The following MAP3K20 variants were observed in gnomAD, a reference collection of about 807,000 sequenced individuals.
MAP3K20 encodes the protein HCCS-4.
In MAP3K20, 40 loss-of-function variants were observed where a neutral mutation model predicts 85.7. The observed-to-expected ratio is 0.47, with a 90% CI of 0.36 to 0.61. The LOEUF (loss-of-function observed/expected upper bound fraction) is 0.61. MAP3K20 is among the 20% of genes least tolerant of loss of function. The pLI is 0.00. For missense variants in MAP3K20, 817 were observed against 961.7 expected (o/e 0.85, Z 1.99); for synonymous variants, 325 against 327.7 (o/e 0.99, Z 0.09).
intron 2 of MAP3K20, 94 bp from the exon 3 acceptor site, chr2:173,169,711 C>T: frequency 8.0e-7 from 1 of 1,248,760 alleles, no homozygotes; most frequent in Non-Finnish European, 1.1e-6. Context: ...CACAGCAAGA[C>T]CCTAACTCAA....
At chr2:173,118,182 C>T (rs1228693182) in intron 2 of MAP3K20, among the ~76,000 whole-genome samples, 2 of 152,178 alleles carry the variant, frequency 1.3e-5, no homozygotes, top group African/African-American at 4.8e-5. Context: ...ATTCCATTTT[C>T]CTCCAATCAC....
At chr2:173,114,719 G>A (rs1162899040) in intron 2 of MAP3K20, among the ~76,000 whole-genome samples, 1 of 152,144 alleles carries the variant, frequency 6.6e-6, no homozygotes, top group South Asian at 2.1e-4. Flanking sequence ...TAAGGAGGCC[G>A]AAGATAGGGC....
intron 16 of MAP3K20, 39 bp downstream of exon 16, chr2:173,239,535 G>A (rs754031643): frequency 5.7e-6 from 9 of 1,574,838 alleles, no homozygotes; most frequent in Non-Finnish European, 6.9e-6. Context: ...AATCTCAATC[G>A]AACTACTCTT....
chr2:173,167,140 C>T (rs1281801073), intron 2 of MAP3K20, among the ~76,000 whole-genome samples: 3 of 151,944 alleles, frequency 2.0e-5, no homozygotes, highest in Non-Finnish European at 4.4e-5. Flanking sequence ...TGGTCTCGAC[C>T]TCCTGACCTC....
chr2:173,223,967 G>C, intron 11 of MAP3K20: 2 of 985,372 alleles, frequency 2.0e-6, no homozygotes, highest in Non-Finnish European at 2.4e-6. Flanking sequence ...GGCAAAGATA[G>C]TCATTCATTC....
intron 16 of MAP3K20, among the ~76,000 whole-genome samples, chr2:173,248,308 G>T (rs1006766574): frequency 3.3e-5 from 5 of 152,120 alleles, no homozygotes; most frequent in African/African-American, 1.2e-4. Context: ...GTAGGGTTGA[G>T]CCCCGTCCCT....
chr2:173,260,812 A>G (rs1035721594), intron 17 of MAP3K20, among the ~76,000 whole-genome samples: 8 of 152,256 alleles, frequency 5.3e-5, no homozygotes, highest in African/African-American at 1.7e-4. Flanking sequence ...CAAATGTTAT[A>G]TCGGAAAAGA....
intron 7 of MAP3K20, among the ~76,000 whole-genome samples, chr2:173,197,096 TTTA>T (rs1157121176): frequency 6.6e-6 from 1 of 152,170 alleles, no homozygotes; most frequent in Non-Finnish European, 1.5e-5. Flanking sequence ...GGTGGTGGTT[TTTA>T]TTATTAGGAC....
At chr2:173,157,389 TTAC>T (rs1178046499) in intron 2 of MAP3K20, among the ~76,000 whole-genome samples, 1 of 152,066 alleles carries the variant, frequency 6.6e-6, no homozygotes, top group Non-Finnish European at 1.5e-5. Flanking sequence ...ATGCCTTTAG[TTAC>T]TGTTTGTGCT....
chr2:173,147,523 C>A (rs1338380458), intron 2 of MAP3K20, among the ~76,000 whole-genome samples: 1 of 152,202 alleles, frequency 6.6e-6, no homozygotes, highest in Non-Finnish European at 1.5e-5. Flanking sequence ...ATGCAACCAG[C>A]AGCATCTGCC....
intron 11 of MAP3K20, chr2:173,221,715 G>A: frequency 1.5e-6 from 2 of 1,308,514 alleles, no homozygotes; most frequent in Non-Finnish European, 1.9e-6. Context: ...GAAAAACGGG[G>A]GGAGAATTAA....
intron 16 of MAP3K20, among the ~76,000 whole-genome samples, chr2:173,245,447 G>A (rs1353506478): frequency 6.6e-6 from 1 of 152,154 alleles, no homozygotes; most frequent in East Asian, 1.9e-4. Flanking sequence ...GCCAGGACCT[G>A]ACCAGGCTCC....
At chr2:173,100,223 A>G (rs531911052) in intron 2 of MAP3K20, among the ~76,000 whole-genome samples, 2 of 152,180 alleles carry the variant, frequency 1.3e-5, no homozygotes. Context: ...AGACATCATC[A>G]CTCTACCAAG....
At chr2:173,215,338 CTTTTT>C (rs1219193402) in intron 10 of MAP3K20, among the ~76,000 whole-genome samples, 1 of 152,084 alleles carries the variant, frequency 6.6e-6, no homozygotes, top group Non-Finnish European at 1.5e-5. Context: ...TCACTCTTTT[CTTTTT>C]TTGTGACAAA....
rs538765804 is a variant in MAP3K20, at chr2:173,186,025, T to C, written c.350-1533T>C. 2.0e-5 allele frequency among the ~76,000 whole-genome samples: 3 copies of C among 152,332 alleles called. No homozygotes were observed. In the East Asian group the frequency reaches 5.8e-4, roughly 29 times the overall value. On this transcript the variant is annotated intron_variant, in intron 4 of 19. Coordinates refer to ENST00000375213, the MANE Select transcript of MAP3K20 (RefSeq NM_016653.3). ...ATCTACAAAAACATTAAATAGAATT[T>C]TATGTGTGTGTGATGACTATTGTTT...
chr2:173,261,091 T>C lies in MAP3K20; in HGVS notation c.1505T>C (p.Val502Ala). 6.2e-7 allele frequency: 1 copy of C among 1,613,680 alleles called. No homozygotes were observed. The highest frequency in any genetic ancestry group is 1.1e-5 in the South Asian group (1 of 91,064). The change falls in exon 18 of 20, where the codon GTA becomes GCA. Residue 502 changes from valine to alanine, a missense_variant. Physicochemically the swap from Val to Ala is moderately conservative, Grantham distance 64. Around this residue, in one of 4 missense-constraint regions of MAP3K20, gnomAD observed 454 missense variants for 476.9 expected, o/e 0.95. Coordinates refer to ENST00000375213, the MANE Select transcript of MAP3K20 (RefSeq NM_016653.3). ...KPPFVMEKWI[V>A]GIAKSQTVEC... ...CCATTTGTAATGGAGAAGTGGATTGTAGGAATAGCAAAAAGTCAGACTGTG... is the reference window on the plus strand; with the variant it reads ...CCATTTGTAATGGAGAAGTGGATTGCAGGAATAGCAAAAAGTCAGACTGTG...
At chr2:173,223,633 A>G (rs1161030795) in intron 11 of MAP3K20, 2 of 985,274 alleles carry the variant, frequency 2.0e-6, no homozygotes, top group African/African-American at 3.5e-5. Context: ...TGCTCTTTGA[A>G]AACTATGAGC....
At position 173,140,600 on chromosome 2, in the gene MAP3K20, T is replaced by C. The variant is rs1014188694; in HGVS notation, c.160-29205T>C. ...CCCAACCTCAGGTGATCCACCCGCTTTGGCCTCCCAAAGTGCTGGGATTAC... is the reference window on the plus strand; with the variant it reads ...CCCAACCTCAGGTGATCCACCCGCTCTGGCCTCCCAAAGTGCTGGGATTAC... On this transcript the variant is annotated intron_variant, in intron 2 of 19. Coordinates refer to ENST00000375213, the MANE Select transcript of MAP3K20 (RefSeq NM_016653.3). Among the ~76,000 whole-genome samples the C allele has an allele frequency of 4.6e-4, 70 of 152,148 alleles. 1 individual carries two copies. The highest frequency in any genetic ancestry group is 1.2e-4 in the Non-Finnish European group (8 of 68,020).
At chr2:173,089,290 CCTCT>C (rs1687226026) in intron 1 of MAP3K20, among the ~76,000 whole-genome samples, 1 of 151,906 alleles carries the variant, frequency 6.6e-6, no homozygotes. Flanking sequence ...TTTCTCTCTC[CCTCT>C]CTCTATTCCT....
Sources: allele counts gnomAD v4.1 joint callset (sites outside exome capture counted in the v4.1 genomes callset), GRCh38; gene constraint gnomAD v4.1.1; regional missense constraint gnomAD v4.1.1; transcripts MANE v1.5; gene names NCBI Gene and HGNC (gene_info 2026-07-23, HGNC 2026-07-21).